ZNF324B: variants seen among roughly 807,000 people sequenced by gnomAD.
ZNF324B encodes zinc finger protein 324B.
A neutral mutation model predicts 10.6 loss-of-function variants in ZNF324B; 7 were observed. The observed-to-expected ratio is 0.66, with a 90% CI of 0.38 to 1.24. The LOEUF is 1.24. Ranked by LOEUF, ZNF324B falls within the 50% of genes most tolerant of loss-of-function variation. ZNF324B has a pLI of 0.02. For synonymous variants in ZNF324B, 316 were observed against 321.0 expected (o/e 0.98, Z 0.17); for missense variants, 640 against 764.7 (o/e 0.84, Z 1.92).
chr19:58,451,124 C>T (rs1011759459), upstream of ZNF324B, among the ~76,000 whole-genome samples: 1 of 152,166 alleles, frequency 6.6e-6, no homozygotes, highest in African/African-American at 2.4e-5. Flanking sequence ...TAAACCTTTA[C>T]GGGACACTGA....
At chr19:58,433,915 G>T in the ZNF324B span, 2 of 1,614,170 alleles carry the variant, frequency 1.2e-6, no homozygotes, top group South Asian at 2.2e-5. Flanking sequence ...CCTTTGCCCA[G>T]TATGTACTTT....
Position 58,456,289 on chromosome 19 carries a change from G to C in ZNF324B, c.1345G>C (p.Gly449Arg). 6.2e-7 allele frequency: 1 copy of C among 1,612,964 alleles called. No homozygotes were observed. Among genetic ancestry groups the C allele is most frequent in the South Asian group, 1.1e-5 (1 of 91,066 alleles). ...CACCCAGCACCAGCTCCTGCACACG[G>C]GCGAGCGGCCCTTCCGCTGCGTGGA... The part of the protein sequence containing the change: ...NLTQHQLLHT[G>R]ERPFRCVDCG... Residue 449 changes from glycine (G) to arginine (R), a missense_variant, in exon 4 of 4, where the codon GGC becomes CGC. Gly to Arg is a moderately radical substitution (Grantham distance 125, BLOSUM62 -2). Transcript: ENST00000336614. This position sits in a 1 kb window ranked among gnomAD's most constrained non-coding sequence, Gnocchi z 4.7.
At chr19:58,437,879 T>G in the ZNF324B span, 2 of 755,274 alleles carry the variant, frequency 2.6e-6, no homozygotes, top group Admixed American at 1.3e-4. Flanking sequence ...TAAGCAGATC[T>G]CAAATATCTC....
rs1315815414 is a variant in ZNF324B at position 58,456,406 on chromosome 19, C to T, written c.1462C>T (p.Arg488Cys). ...GCCCTTCGTGTGCACGCAGTGTGGC[C>T]GCGCCTTCCGTGAGCGCCCTGCCCT... The part of the protein sequence containing the change: ...EKPFVCTQCG[R>C]AFRERPALLH... The change falls in exon 4 of 4, where the codon CGC becomes TGC. Residue 488 changes from arginine (R) to cysteine (C), a missense_variant. Transcript: ENST00000336614. The surrounding 1 kb of genome is among the most constrained non-coding windows in gnomAD (Gnocchi z 4.7). The T allele has an allele frequency of 4.3e-6, 7 of 1,613,240 alleles. No homozygotes were observed. The South Asian group carries it at 5.5e-5, about 13-fold the overall frequency.
the ZNF324B span, among the ~76,000 whole-genome samples, chr19:58,424,957 A>G: frequency 6.6e-6 from 1 of 152,190 alleles, no homozygotes; most frequent in Non-Finnish European, 1.5e-5. Flanking sequence ...GAGATAGTCA[A>G]AAGTTAGAAA....
At chr19:58,422,513 C>A in the ZNF324B span, among the ~76,000 whole-genome samples, 3 of 152,064 alleles carry the variant, frequency 2.0e-5, no homozygotes, top group Non-Finnish European at 4.4e-5. Flanking sequence ...AACCTAGACC[C>A]CACCAAAAAA....
At chr19:58,453,390 C>G (rs2052880989) in intron 1 of ZNF324B, 1 of 468,958 alleles carries the variant, frequency 2.1e-6, no homozygotes, top group Non-Finnish European at 3.9e-6. Flanking sequence ...AATGGTCATG[C>G]TGAGTCACGA....
chr19:58,421,540 C>A, the ZNF324B span, among the ~76,000 whole-genome samples: 3 of 151,960 alleles, frequency 2.0e-5, no homozygotes, highest in Non-Finnish European at 4.4e-5. Flanking sequence ...CGCACCATGC[C>A]CGGCTAATTT....
the ZNF324B span, chr19:58,440,631 C>G: frequency 6.6e-6 from 1 of 152,326 alleles, no homozygotes; most frequent in African/African-American, 2.4e-5. Context: ...GCGCCCCCAC[C>G]GCGGCGAATA....
chr19:58,449,611 G>T (rs1472025188), upstream of ZNF324B, among the ~76,000 whole-genome samples: 1 of 152,258 alleles, frequency 6.6e-6, no homozygotes, highest in Non-Finnish European at 1.5e-5. Context: ...TGACCTGGAT[G>T]TGAGACATGG....
chr19:58,445,823 A>AAAAC, the ZNF324B span: 38 of 209,488 alleles, frequency 1.8e-4, no homozygotes, highest in East Asian at 1.2e-3. Flanking sequence ...TCCCTCACCA[A>AAAAC]AAACAAACAA....
the ZNF324B span, chr19:58,444,938 A>G: frequency 2.5e-5 from 4 of 162,544 alleles, no homozygotes; most frequent in African/African-American, 9.6e-5. Flanking sequence ...GAAAGTCCCC[A>G]TAAGCGCAAG....
chr19:58,433,980 T>C, the ZNF324B span: 2 of 1,614,080 alleles, frequency 1.2e-6, no homozygotes, highest in Non-Finnish European at 1.7e-6. Context: ...AATCACAGCA[T>C]TCAAAAGGCC....
chr19:58,453,634 C>A (rs1006332592), intron 1 of ZNF324B, 62 bp from the exon 2 acceptor site: 4 of 1,611,442 alleles, frequency 2.5e-6, no homozygotes. Context: ...GGATGGGGAG[C>A]TTGGTCCTGG....
In ZNF324B at chr19:58,456,857, G is replaced by C. The variant is rs1599986771; in HGVS notation, c.*278G>C. 1.8e-6 allele frequency: 1 copy of C among 547,362 alleles called. No individual in the cohort carries two copies. Among genetic ancestry groups the C allele is most frequent in the African/African-American group, 1.9e-5 (1 of 53,208 alleles). The allele number at this position is 547,362 out of a possible 1,614,324, so 33.9% of individuals were successfully genotyped here. On this transcript the variant is annotated 3_prime_UTR_variant, in exon 4 of 4. Transcript: ENST00000336614. The surrounding 1 kb of genome is among the most constrained non-coding windows in gnomAD (Gnocchi z 4.7). Reference sequence around the variant, plus strand: ...CTGGTGGGGCTGAGGCTGTAGTTGGGGCCATAGGACGCCGACAAAGGCAGC... The same window carrying C: ...CTGGTGGGGCTGAGGCTGTAGTTGGCGCCATAGGACGCCGACAAAGGCAGC...
chr19:58,455,300 T>C lies in ZNF324B; in HGVS notation c.356T>C (p.Val119Ala). The C allele has an allele frequency of 6.2e-7, 1 of 1,614,130 alleles. No individual in the cohort carries two copies. The highest frequency in any genetic ancestry group is 8.5e-7 in the Non-Finnish European group (1 of 1,180,012). ...CCAGTTGCCGATGCCTGCCACAGTG[T>C]AAAAAGCCTGCAGCGACAACCGGGT... ...VFPVADACHS[V>A]KSLQRQPGAS... Residue 119 changes from valine (V) to alanine (A), a missense_variant, in exon 4 of 4, where the codon GTA (valine) becomes GCA (alanine). By Grantham distance (64) the Val-to-Ala change is moderately conservative. Around this residue, in one of 3 missense-constraint regions of ZNF324B, gnomAD observed 345 missense variants for 387.9 expected, o/e 0.89. Coordinates refer to ENST00000336614, the MANE Select transcript of ZNF324B (RefSeq NM_207395.3). This position sits in a 1 kb window ranked among gnomAD's most constrained non-coding sequence, Gnocchi z 7.0.
the ZNF324B span, among the ~76,000 whole-genome samples, chr19:58,427,354 C>CTTTCTCT: frequency 2.0e-5 from 1 of 51,190 alleles, no homozygotes; most frequent in Non-Finnish European, 4.8e-5. Context: ...TCTTTCCTTT[C>CTTTCTCT]TTTCTTTCTT....
rs755561474 is a variant in ZNF324B at position 58,456,184 on chromosome 19, T to A, written c.1240T>A (p.Leu414Met). ...AAFSQGSSLF[L>M]HQRVHTGEKP... ...CTTCAGCCAGGGCTCCTCGCTCTTT[T>A]TGCACCAGCGCGTGCACACAGGCGA... Residue 414 changes from leucine to methionine, a missense_variant, in exon 4 of 4, where the codon TTG becomes ATG. Transcript: ENST00000336614. This position sits in a 1 kb window ranked among gnomAD's most constrained non-coding sequence, Gnocchi z 4.7. The A allele has an allele frequency of 1.4e-4, 220 of 1,612,258 alleles. No individual in the cohort carries two copies. Among genetic ancestry groups the A allele is most frequent in the Non-Finnish European group, 1.7e-4 (196 of 1,179,472 alleles).
At chr19:58,452,779 G>A in intron 1 of ZNF324B, 1 of 456,678 alleles carries the variant, frequency 2.2e-6, no homozygotes. Context: ...GTTACAGCTT[G>A]AGGGTAAAGA....
Sources: gnomAD v4.1 joint callset for allele counts (sites outside exome capture counted in the v4.1 genomes callset) on GRCh38, gnomAD v4.1.1 for gene constraint, gnomAD v4.1.1 regional missense constraint, Gnocchi (gnomAD v3.1) non-coding constraint, MANE v1.5 for transcripts, NCBI Gene and HGNC (gene_info 2026-07-23, HGNC 2026-07-21) for gene names.